Variants in INCENP observed in about 807,000 individuals in gnomAD.
INCENP encodes binds and activates aurora-B and -C in vivo and in vitro.
In INCENP, 43 loss-of-function variants were observed where a neutral mutation model predicts 107.3. The ratio of observed to expected loss-of-function variants is 0.40; its 90% confidence interval spans 0.31 to 0.52. The LOEUF is 0.52. Among genes scored for constraint, INCENP ranks in the 20% least tolerant of loss-of-function variants. The probability of loss-of-function intolerance (pLI) is 0.53; values close to 1 mark genes in which losing one functional copy is unlikely to be tolerated. For missense variants in INCENP, 1,089 were observed against 1,250.9 expected (o/e 0.87, Z 1.95); for synonymous variants, 488 against 494.4 (o/e 0.99, Z 0.17).
chr11:62,135,515 C>A (rs763250733), intron 4 of INCENP, among the ~76,000 whole-genome samples: 20 of 152,120 alleles, frequency 1.3e-4, no homozygotes, highest in Non-Finnish European at 1.6e-4. Flanking sequence ...CCGTCTGCCT[C>A]GGCTTCCCAA....
At chr11:62,141,715 C>A in intron 11 of INCENP, 1 of 691,434 alleles carries the variant, frequency 1.4e-6, no homozygotes, top group East Asian at 2.6e-5. Flanking sequence ...CTCTGCCCTC[C>A]CTGCCCTTGA....
At chr11:62,145,322 T>G (rs1171863820) in intron 13 of INCENP, 33 bp downstream of exon 13, 11 of 1,612,774 alleles carry the variant, frequency 6.8e-6, no homozygotes, top group Non-Finnish European at 7.6e-6. Flanking sequence ...CCCAGGCAAT[T>G]CAGGACTTGG....
chr11:62,146,548 C>T (rs373930006), intron 14 of INCENP, 110 bp from the exon 15 acceptor site: 8 of 1,472,194 alleles, frequency 5.4e-6, no homozygotes, highest in East Asian at 2.5e-5. Context: ...CTGGGTTGTC[C>T]GTGGTGGTGG....
intron 11 of INCENP, among the ~76,000 whole-genome samples, chr11:62,143,350 C>T (rs1944166833): frequency 1.3e-5 from 2 of 152,112 alleles, no homozygotes; most frequent in Non-Finnish European, 2.9e-5. Flanking sequence ...CTGCTTGAGT[C>T]AGGACTAGAG....
intron 2 of INCENP, 21 bp from the exon 3 acceptor site, chr11:62,128,749 C>T: frequency 6.4e-7 from 1 of 1,565,814 alleles, no homozygotes; most frequent in Non-Finnish European, 8.8e-7. Context: ...CCTCGAGTGA[C>T]ACCCTCCTTG....
intron 4 of INCENP, among the ~76,000 whole-genome samples, chr11:62,133,247 A>C (rs1482677838): frequency 6.6e-6 from 1 of 152,068 alleles, no homozygotes; most frequent in African/African-American, 2.4e-5. Flanking sequence ...TAACAAATTT[A>C]ATTTCCCAAA....
In INCENP at chr11:62,130,248, C is replaced by A; in HGVS notation, c.721C>A (p.Gln241Lys). 6.2e-7 allele frequency: 1 copy of A among 1,613,650 alleles called. No individual in the cohort carries two copies. Among genetic ancestry groups the A allele is most frequent in the Non-Finnish European group, 8.5e-7 (1 of 1,180,018 alleles). ...AGTGAGCTCCCTGATGGCTACACCCCAGGACCCCAAGGGTCAAGGGGTCGG... is the reference window on the plus strand; with the variant it reads ...AGTGAGCTCCCTGATGGCTACACCCAAGGACCCCAAGGGTCAAGGGGTCGG... ...ITVSSLMATP[Q>K]DPKGQGVGTG... is the part of the protein sequence containing the mutation. The change falls in exon 4 of 19, where the codon CAG becomes AAG. Residue 241 changes from glutamine (Q) to lysine (K), a missense_variant. By Grantham distance (53) the Gln-to-Lys change is moderately conservative. Transcript: ENST00000394818.
At chr11:62,149,795 A>C (rs1399381498) in intron 17 of INCENP, among the ~76,000 whole-genome samples, 2 of 151,984 alleles carry the variant, frequency 1.3e-5, no homozygotes, top group Admixed American at 1.3e-4. Context: ...GGTGGTGCAC[A>C]CCTGTAATCC....
intron 11 of INCENP, among the ~76,000 whole-genome samples, chr11:62,143,382 T>C (rs1944167326): frequency 6.6e-6 from 1 of 152,150 alleles, no homozygotes; most frequent in Non-Finnish European, 1.5e-5. Context: ...GAATTCTTTC[T>C]GTCCGTGCCC....
intron 7 of INCENP, 32 bp downstream of exon 7, chr11:62,139,037 C>T: frequency 2.6e-6 from 4 of 1,512,480 alleles, no homozygotes; most frequent in Non-Finnish European, 1.8e-6. Context: ...TGTGCAGTGC[C>T]CGGAGCCACA....
chr11:62,144,992 G>A lies in INCENP; in HGVS notation c.1616G>A (p.Arg539Gln), dbSNP rs201357288. The A allele has an allele frequency of 5.1e-5, 82 of 1,599,664 alleles. 1 individual carries two copies. Among genetic ancestry groups the A allele is most frequent in the Admixed American group, 4.7e-4 (26 of 55,466 alleles). ...TCCCCGCCACCCCAGGAGAAGGAGC[G>A]GCAGCGCCTGGAGAATCTGCGGCGG... ...DPKCSFVEKERQRLENLRRKE... is the reference protein window; with the variant it reads ...DPKCSFVEKEQQRLENLRRKE... Residue 539 changes from arginine (R) to glutamine (Q), a missense_variant, in exon 12 of 19, where the codon CGG becomes CAG. Transcript: ENST00000394818.
intron 17 of INCENP, 58 bp from the exon 18 acceptor site, chr11:62,149,999 C>A: frequency 1.3e-6 from 2 of 1,574,842 alleles, no homozygotes; most frequent in African/African-American, 1.3e-5. Context: ...CAGCACTCCT[C>A]GGTGGTGAGA....
rs754627063 is a variant in INCENP at position 62,138,780 on chromosome 11, C to T, written c.1173+10C>T. 9 of 1,613,850 alleles carry T rather than the reference C, an allele frequency of 5.6e-6. No individual in the cohort carries two copies. In the East Asian group the frequency reaches 2.0e-4, roughly 36 times the overall value. On this transcript the variant is annotated intron_variant, in intron 6 of 18. Coordinates refer to ENST00000394818, the MANE Select transcript of INCENP (RefSeq NM_001040694.2). ...GGCAGCTGAGCCAGAGGTAAGACGG[C>T]TGCCTGGGGAAGGGAGGACTCACCT...
In INCENP at chr11:62,145,224, A is replaced by G. The variant is rs757888600; in HGVS notation, c.1771A>G (p.Met591Val). The G allele has an allele frequency of 9.9e-6, 16 of 1,614,106 alleles. No homozygotes were observed. Among genetic ancestry groups the G allele is most frequent in the Non-Finnish European group, 1.4e-5 (16 of 1,180,036 alleles). Reference sequence around the variant, plus strand: ...GCAGGCCCGCGAGCGGGTGGAGCAGATGAAGGAGGAGAAGAAGAAGCAGAT... The same window carrying G: ...GCAGGCCCGCGAGCGGGTGGAGCAGGTGAAGGAGGAGAAGAAGAAGCAGAT... ...VLQARERVEQ[M>V]KEEKKKQIEQ... The change falls in exon 13 of 19, where the codon ATG becomes GTG. Residue 591 changes from methionine to valine, a missense_variant. Transcript: ENST00000394818.
intron 14 of INCENP, among the ~76,000 whole-genome samples, chr11:62,146,092 G>A (rs1944237108): frequency 6.6e-6 from 1 of 152,232 alleles, no homozygotes; most frequent in Non-Finnish European, 1.5e-5. Context: ...GTTAATGTCT[G>A]TAAAATGCTC....
At position 62,151,906 on chromosome 11, in the gene INCENP, T is replaced by A; in HGVS notation, c.2687T>A (p.Val896Asp). The A allele has an allele frequency of 6.2e-7, 1 of 1,613,996 alleles. No homozygotes were observed. ...PRYHKRTSSAVWNSPPLQGAR... is the reference protein window; with the variant it reads ...PRYHKRTSSADWNSPPLQGAR... ...TATCACAAGCGCACCAGCTCTGCTG[T>A]CTGGAACTCACCGCCCCTGCAGGGC... Residue 896 changes from valine (V) to aspartate (D), a missense_variant, in exon 19 of 19, where the codon GTC becomes GAC. Val to Asp is a radical substitution (Grantham distance 152). Transcript: ENST00000394818.
intron 14 of INCENP, among the ~76,000 whole-genome samples, chr11:62,146,438 T>C (rs1007292198): frequency 6.6e-6 from 1 of 152,236 alleles, no homozygotes; most frequent in Non-Finnish European, 1.5e-5. Flanking sequence ...GGTTCCTTTC[T>C]GCTAAATCTA....
chr11:62,128,152 C>A lies in INCENP; in HGVS notation c.-10C>A. On this transcript the variant is annotated splice_region_variant and 5_prime_UTR_variant, in exon 2 of 19. Transcript: ENST00000394818. Reference sequence around the variant, plus strand: ...GCCTCTTGTCCCTGCCTTCACCAGACAGAGCCACCATGGGGACGACGGCCC... The same window carrying A: ...GCCTCTTGTCCCTGCCTTCACCAGAAAGAGCCACCATGGGGACGACGGCCC... The A allele has an allele frequency of 6.2e-7, 1 of 1,614,046 alleles. No individual in the cohort carries two copies. Among genetic ancestry groups the A allele is most frequent in the Non-Finnish European group, 8.5e-7 (1 of 1,179,968 alleles).
intron 7 of INCENP, among the ~76,000 whole-genome samples, chr11:62,139,882 A>G (rs1944075055): frequency 1.3e-5 from 2 of 152,130 alleles, no homozygotes; most frequent in Admixed American, 6.5e-5. Context: ...CTTGCCTATC[A>G]TAGAGCCAGG....
Sources: gnomAD v4.1 joint callset for allele counts (sites outside exome capture counted in the v4.1 genomes callset) on GRCh38, gnomAD v4.1.1 for gene constraint, MANE v1.5 for transcripts, NCBI Gene and HGNC (gene_info 2026-07-23, HGNC 2026-07-21) for gene names.